The following SIPA1L1 variants were observed in gnomAD, a reference collection of about 807,000 sequenced individuals.
SIPA1L1 encodes signal induced proliferation associated 1 like 1.
A neutral mutation model predicts 162.7 loss-of-function variants in SIPA1L1; 26 were observed. The ratio of observed to expected loss-of-function variants is 0.16; its 90% CI spans 0.12 to 0.22. The LOEUF (loss-of-function observed/expected upper bound fraction) is 0.22. Among genes scored for constraint, SIPA1L1 ranks in the 10% least tolerant of loss-of-function variants. The pLI, the probability that SIPA1L1 is intolerant of heterozygous loss-of-function variation, is 1.00. For synonymous variants in SIPA1L1, 829 were observed against 837.4 expected (o/e 0.99, Z 0.17); for missense variants, 1,874 against 2,241.0 (o/e 0.84, Z 3.31).
chr14:71,622,885 G>C (rs923610966), intron 6 of SIPA1L1, among the ~76,000 whole-genome samples: 38 of 152,154 alleles, frequency 2.5e-4, no homozygotes, highest in African/African-American at 8.9e-4. Context: ...CCAGCTCACA[G>C]CTGCCTCATC....
intron 2 of SIPA1L1, among the ~76,000 whole-genome samples, chr14:71,336,732 A>G (rs561091164): frequency 1.3e-5 from 2 of 152,336 alleles, no homozygotes; most frequent in African/African-American, 4.8e-5. Flanking sequence ...TGCATTCAGT[A>G]CATGTGATTG....
At chr14:71,368,112 A>G (rs1474404154) in intron 2 of SIPA1L1, among the ~76,000 whole-genome samples, 1 of 132,954 alleles carries the variant, frequency 7.5e-6, no homozygotes, top group Non-Finnish European at 1.7e-5. Context: ...TGTTTTTTGT[A>G]CATTTTGTTT....
intron 13 of SIPA1L1, among the ~76,000 whole-genome samples, chr14:71,693,044 G>C (rs1369557397): frequency 6.6e-6 from 1 of 152,110 alleles, no homozygotes; most frequent in Non-Finnish European, 1.5e-5. Context: ...GGTAATACAG[G>C]TTCAGCATCC....
intron 2 of SIPA1L1, among the ~76,000 whole-genome samples, chr14:71,415,289 A>G (rs2042678523): frequency 6.6e-6 from 1 of 152,190 alleles, no homozygotes. Flanking sequence ...AAATGTTTTT[A>G]AAGTACATTA....
At chr14:71,395,242 T>C (rs2041090619) in intron 2 of SIPA1L1, among the ~76,000 whole-genome samples, 1 of 152,184 alleles carries the variant, frequency 6.6e-6, no homozygotes, top group Non-Finnish European at 1.5e-5. Context: ...CATGTGTTGT[T>C]TTGTTTTGTG....
chr14:71,464,182 C>A (rs1045722831), intron 2 of SIPA1L1, among the ~76,000 whole-genome samples: 10 of 152,190 alleles, frequency 6.6e-5, no homozygotes, highest in African/African-American at 2.4e-4. Flanking sequence ...TAATCCACTC[C>A]ACCACCCCAA....
chr14:71,644,326 G>A (rs987683817), intron 7 of SIPA1L1, among the ~76,000 whole-genome samples: 6 of 152,134 alleles, frequency 3.9e-5, no homozygotes, highest in Non-Finnish European at 7.3e-5. Context: ...CTATAGCCTT[G>A]CCCTCTTGGG....
rs755852956 is a variant in SIPA1L1 at position 71,735,270 on chromosome 14, T to C, written c.5009-7T>C. The stretch of plus-strand genomic sequence containing the variant: ...AAATACTAAATGGTTTCTTCTCTCC[T>C]TTCCAGTCCAGAGAGCCTCATTTTT... On this transcript the variant is annotated splice_region_variant and splice_polypyrimidine_tract_variant and intron_variant, in intron 21 of 23. Transcript: ENST00000381232. 27 of 1,602,790 alleles carry C rather than the reference T, an allele frequency of 1.7e-5. No homozygotes were observed. The highest frequency in any genetic ancestry group is 2.1e-5 in the Non-Finnish European group (25 of 1,169,754).
chr14:71,647,631 T>C (rs1322272749), intron 7 of SIPA1L1, among the ~76,000 whole-genome samples: 1 of 152,154 alleles, frequency 6.6e-6, no homozygotes, highest in Admixed American at 6.5e-5. Flanking sequence ...CTTGATCTTT[T>C]TGTTCTCCCT....
intron 2 of SIPA1L1, chr14:71,321,891 A>G (rs563100488): frequency 6.6e-6 from 1 of 152,226 alleles, no homozygotes; most frequent in Non-Finnish European, 1.5e-5. Context: ...ACAGAGAGAC[A>G]TGGGAAATGG....
chr14:71,517,995 A>G (rs1245737668), intron 3 of SIPA1L1, among the ~76,000 whole-genome samples: 1 of 152,138 alleles, frequency 6.6e-6, no homozygotes, highest in Non-Finnish European at 1.5e-5. Context: ...GGCGAGCTGC[A>G]GTGGCTGGAC....
intron 2 of SIPA1L1, chr14:71,504,048 A>G (rs1197185392): frequency 1.3e-5 from 2 of 151,984 alleles, no homozygotes; most frequent in Admixed American, 6.6e-5. Flanking sequence ...CAAGCGATCT[A>G]TCTGCCTTGG....
At chr14:71,480,500 G>T (rs986446720) in intron 2 of SIPA1L1, among the ~76,000 whole-genome samples, 1 of 150,018 alleles carries the variant, frequency 6.7e-6, no homozygotes, top group Non-Finnish European at 1.5e-5. Flanking sequence ...AGTGGCTCAC[G>T]CCTGTAATCC....
intron 2 of SIPA1L1, among the ~76,000 whole-genome samples, chr14:71,502,775 G>A (rs939054164): frequency 1.2e-4 from 18 of 151,990 alleles, no homozygotes; most frequent in Non-Finnish European, 1.9e-4. Flanking sequence ...TTGTGTTCTC[G>A]TAAGACTCCT....
At chr14:71,325,685 G>T (rs1290132823) in intron 2 of SIPA1L1, among the ~76,000 whole-genome samples, 2 of 152,194 alleles carry the variant, frequency 1.3e-5, no homozygotes, top group Non-Finnish European at 2.9e-5. Flanking sequence ...GCTTTAGCTG[G>T]CCCGTAGTAA....
intron 2 of SIPA1L1, among the ~76,000 whole-genome samples, chr14:71,392,652 C>T (rs1173892509): frequency 1.3e-5 from 2 of 152,106 alleles, no homozygotes; most frequent in African/African-American, 2.4e-5. Flanking sequence ...CTCAGCCTCC[C>T]GAGTAGCTGG....
chr14:71,662,184 A>G (rs1476413306), intron 10 of SIPA1L1, among the ~76,000 whole-genome samples: 8 of 152,230 alleles, frequency 5.3e-5, no homozygotes, highest in Admixed American at 3.9e-4. Context: ...GTATCTTTCC[A>G]TCCCTAAAAA....
chr14:71,589,519 C>T (rs2034995932), intron 5 of SIPA1L1, 149 bp downstream of exon 5: 3 of 566,288 alleles, frequency 5.3e-6, no homozygotes, highest in Non-Finnish European at 9.1e-6. Context: ...ACCATTTGCT[C>T]AATTTATTTC....
At chr14:71,546,948 CT>C (rs981126633) in intron 4 of SIPA1L1, among the ~76,000 whole-genome samples, 29 of 152,044 alleles carry the variant, frequency 1.9e-4, no homozygotes, top group African/African-American at 6.0e-4. Flanking sequence ...GATCGGTTTT[CT>C]TTTTTTTCCT....
Sources: allele counts gnomAD v4.1 joint callset (sites outside exome capture counted in the v4.1 genomes callset), GRCh38; gene constraint gnomAD v4.1.1; transcripts MANE v1.5; gene names NCBI Gene and HGNC (gene_info 2026-07-23, HGNC 2026-07-21).